The following CLIP1 variants were observed in gnomAD, a reference collection of about 807,000 sequenced individuals.
The protein encoded by CLIP1 is CAP-Gly domain-containing linker protein 1.
CLIP1 carries 66 observed loss-of-function variants against 161.6 expected under a neutral mutation model. The observed-to-expected ratio is 0.41, with a 90% CI of 0.33 to 0.50. CLIP1 has a LOEUF of 0.50. Ranked by LOEUF, CLIP1 falls within the 20% of genes least tolerant of loss-of-function variation. CLIP1 has a pLI of 0.27. For missense variants in CLIP1, 1,376 were observed against 1,702.0 expected, an observed-to-expected ratio of 0.81 and a Z score of 3.37; for synonymous variants, 598 against 626.2, an observed-to-expected ratio of 0.96 and a Z score of 0.67.
At position 122,347,572 on chromosome 12, in the gene CLIP1, C is replaced by G. The variant is rs1420073294; in HGVS notation, c.1402-93G>C. On this transcript the variant is annotated intron_variant, in intron 9 of 25. Coordinates refer to ENST00000620786, the MANE Select transcript of CLIP1 (RefSeq NM_001247997.2). ...GACAGCGGCATGCAGGCTGAGCCAC[C>G]AGTACCTTCTGCCAAAGGGTGAACC... 11 of 914,610 alleles carry G rather than the reference C, an allele frequency of 1.2e-5. No individual in the cohort carries two copies. In the East Asian group the frequency reaches 1.2e-4, roughly 10 times the overall value. 56.7% of individuals were successfully genotyped at this position (914,610 alleles called of 1,614,324 possible).
rs113453891 is a variant in CLIP1, at chr12:122,355,211, C to T, written c.1107G>A (p.Ala369=). 40 of 1,614,108 alleles carry T rather than the reference C, an allele frequency of 2.5e-5. 1 individual carries two copies. Among genetic ancestry groups the T allele is most frequent in the Middle Eastern group, 1.6e-4 (1 of 6,084 alleles). The change falls in exon 6 of 26, where the codon GCG becomes GCA. Residue 369 remains alanine, a synonymous_variant. Transcript: ENST00000620786. This position sits in a 1 kb window ranked among gnomAD's most constrained non-coding sequence, Gnocchi z 4.1. ...CCTCCGCCCTCTCCAGATCCCGTTC[C>T]GCCAGCAGCTGCTCAATGTGCTGCT... ...EKQQHIEQLL[A]ERDLERAEVA...
chr12:122,328,852 A>G (rs1469252553), intron 15 of CLIP1, among the ~76,000 whole-genome samples: 1 of 152,166 alleles, frequency 6.6e-6, no homozygotes, highest in Non-Finnish European at 1.5e-5. Context: ...AAGTGTTAGG[A>G]TTACAGGCGT....
At chr12:122,397,775 C>T (rs1163638356) in intron 1 of CLIP1, among the ~76,000 whole-genome samples, 1 of 151,460 alleles carries the variant, frequency 6.6e-6, no homozygotes, top group African/African-American at 2.4e-5. Flanking sequence ...CATGGTGAAA[C>T]CCCATCTTTA....
At chr12:122,394,893 ATTAACCCTCAGAGAC>A (rs1955849241) in intron 1 of CLIP1, among the ~76,000 whole-genome samples, 1 of 152,162 alleles carries the variant, frequency 6.6e-6, no homozygotes. Flanking sequence ...AAAAGTTAAT[ATTAACCCTCAGAGAC>A]TAGCTTTCTG....
intron 1 of CLIP1, among the ~76,000 whole-genome samples, chr12:122,401,644 GT>G (rs1956146894): frequency 6.6e-6 from 1 of 152,046 alleles, no homozygotes; most frequent in Admixed American, 6.6e-5. Flanking sequence ...CTCCAAGAAA[GT>G]AGGTCAATGA....
At chr12:122,288,808 C>CTTTTTT (rs200069106) in intron 20 of CLIP1, among the ~76,000 whole-genome samples, 22 of 114,456 alleles carry the variant, frequency 1.9e-4, no homozygotes, top group African/African-American at 3.6e-4. Flanking sequence ...CGAAGCACAT[C>CTTTTTT]TTTTTTTTTT....
intron 19 of CLIP1, among the ~76,000 whole-genome samples, chr12:122,315,725 C>G (rs1951237609): frequency 6.6e-6 from 1 of 151,256 alleles, no homozygotes; most frequent in Non-Finnish European, 1.5e-5. Flanking sequence ...ACTGCAAACT[C>G]CGCCTCCCGG....
In CLIP1 at chr12:122,278,991, C is replaced by A. The variant is rs200290353; in HGVS notation, c.3765+37G>T. On this transcript the variant is annotated intron_variant, in intron 22 of 25. Coordinates refer to ENST00000620786, the MANE Select transcript of CLIP1 (RefSeq NM_001247997.2). ...GGCTGAGGGTTTGAACGAAAGGAGG[C>A]CGCGTGAAAGCTCGTGCACCCTGGG... The A allele has an allele frequency of 2.5e-5, 40 of 1,605,648 alleles. No homozygotes were observed. The East Asian group carries it at 8.0e-4, about 32-fold the overall frequency.
chr12:122,352,175 A>C lies in CLIP1; in HGVS notation c.1368+551T>G, dbSNP rs561225254. ...TGGGTTCAAGCGATTCTCCTGCCTC[A>C]GCCTCCCAAGTAGCTGGGATTACAG... On this transcript the variant is annotated intron_variant, in intron 8 of 25. Coordinates refer to ENST00000620786, the MANE Select transcript of CLIP1 (RefSeq NM_001247997.2). Among the ~76,000 whole-genome samples, 16 of 150,834 alleles carry C rather than the reference A, an allele frequency of 1.1e-4. No homozygotes were observed. The East Asian group carries it at 2.3e-3, about 22-fold the overall frequency.
intron 1 of CLIP1, among the ~76,000 whole-genome samples, chr12:122,416,270 T>A (rs1267559805): frequency 1.3e-5 from 2 of 152,034 alleles, no homozygotes; most frequent in Non-Finnish European, 2.9e-5. Context: ...AATAGGAAAG[T>A]ATACACTCAA....
At position 122,397,553 on chromosome 12, in the gene CLIP1, C is replaced by CAAAAAAA. The variant is rs35589479; in HGVS notation, c.-106-17002_-106-16996dup. On this transcript the variant is annotated intron_variant, in intron 1 of 25. Transcript: ENST00000620786. ...GGGCGACAGAGCCAGACTCCATCTC[C>CAAAAAAA]AAAAAAAAAAAAAAAAAAAAAAAAA... Among the ~76,000 whole-genome samples, 242 of 66,856 alleles carry CAAAAAAA rather than the reference C, an allele frequency of 3.6e-3. 18 individuals are homozygous for CAAAAAAA. Among genetic ancestry groups the CAAAAAAA allele is most frequent in the East Asian group, 0.032 (47 of 1,472 alleles). The allele number at this position is 66,856 out of a possible 152,430, so 43.9% of individuals were successfully genotyped here.
At chr12:122,401,963 C>G (rs1047214678) in intron 1 of CLIP1, among the ~76,000 whole-genome samples, 4 of 151,760 alleles carry the variant, frequency 2.6e-5, no homozygotes, top group Admixed American at 6.6e-5. Context: ...TGCCATTGCA[C>G]TCCAGCCTGG....
chr12:122,297,919 GC>G (rs938650833), intron 20 of CLIP1, among the ~76,000 whole-genome samples: 10 of 152,072 alleles, frequency 6.6e-5, no homozygotes, highest in African/African-American at 2.4e-4. Flanking sequence ...GGGTCATGTC[GC>G]CCTCCCAGCA....
intron 17 of CLIP1, among the ~76,000 whole-genome samples, chr12:122,320,969 A>G (rs2136649406): frequency 6.6e-6 from 1 of 151,406 alleles, no homozygotes; most frequent in Admixed American, 6.6e-5. Context: ...CAGCCTCCCA[A>G]AGTGCTGGGA....
intron 8 of CLIP1, among the ~76,000 whole-genome samples, chr12:122,352,058 C>CTTTTTTTTTT (rs11448068): frequency 1.5e-5 from 2 of 137,424 alleles, no homozygotes; most frequent in Non-Finnish European, 3.1e-5. Context: ...TTGTTGTGGA[C>CTTTTTTTTTT]TTTTTTTTTT....
At chr12:122,274,457 T>C (rs957022877) in intron 24 of CLIP1, 2 of 187,642 alleles carry the variant, frequency 1.1e-5, no homozygotes, top group Non-Finnish European at 2.2e-5. Context: ...GGAGATGCTA[T>C]TTTATATTTT....
intron 3 of CLIP1, among the ~76,000 whole-genome samples, chr12:122,374,915 A>G (rs1954644845): frequency 6.6e-6 from 1 of 152,212 alleles, no homozygotes; most frequent in Non-Finnish European, 1.5e-5. Flanking sequence ...TCATGAGCTA[A>G]AAATTCAGCA....
At chr12:122,298,868 T>C (rs897435115) in intron 20 of CLIP1, among the ~76,000 whole-genome samples, 1 of 151,268 alleles carries the variant, frequency 6.6e-6, no homozygotes, top group Non-Finnish European at 1.5e-5. Flanking sequence ...GGGAGGAGAA[T>C]CGCGTGAACC....
In CLIP1 at chr12:122,323,490, C is replaced by A. The variant is rs543128725; in HGVS notation, c.3250-4142G>T. 1.3e-5 allele frequency: 2 copies of A among 152,750 alleles called. No homozygotes were observed. The highest frequency in any genetic ancestry group is 6.5e-5 in the Admixed American group (1 of 15,280). 9.5% of individuals were successfully genotyped at this position (152,750 alleles called of 1,614,324 possible). On this transcript the variant is annotated intron_variant, in intron 17 of 25. Coordinates refer to ENST00000620786, the MANE Select transcript of CLIP1 (RefSeq NM_001247997.2). The surrounding 1 kb of genome is among the most constrained non-coding windows in gnomAD (Gnocchi z 4.1). ...CTTGTGTTTGCGGCCTCGAGTTGCA[C>A]GGTCTCCAGCTCTGCCTTCCTCAGG...
Sources: allele counts gnomAD v4.1 joint callset (sites outside exome capture counted in the v4.1 genomes callset), GRCh38; gene constraint gnomAD v4.1.1; non-coding constraint Gnocchi (gnomAD v3.1); transcripts MANE v1.5; gene names NCBI Gene and HGNC (gene_info 2026-07-23, HGNC 2026-07-21).